Variants in ANO1 observed in about 807,000 individuals in gnomAD.
ANO1 encodes the protein anoctamin-1.
ANO1 carries 59 observed loss-of-function variants against 124.0 expected under a neutral mutation model. The ratio of observed to expected loss-of-function variants is 0.48; its 90% CI spans 0.39 to 0.59. The LOEUF is 0.59. Ranked by LOEUF, ANO1 falls within the 20% of genes least tolerant of loss-of-function variation. ANO1 has a pLI of 0.00. For missense variants in ANO1, 1,059 were observed against 1,328.0 expected (o/e 0.80, Z 3.15); for synonymous variants, 529 against 532.0 (o/e 0.99, Z 0.08).
intron 1 of ANO1, among the ~76,000 whole-genome samples, chr11:69,994,482 A>C (rs1554998069): frequency 6.6e-6 from 1 of 152,092 alleles, no homozygotes; most frequent in African/African-American, 2.4e-5. Flanking sequence ...AGATAAAAGG[A>C]GGGAGGAAGA....
intron 3 of ANO1, 126 bp from the exon 4 acceptor site, chr11:70,103,873 G>C: frequency 9.5e-7 from 1 of 1,048,358 alleles, no homozygotes; most frequent in Non-Finnish European, 1.4e-6. Context: ...GGCCCACCCA[G>C]GTGCTCTGCT....
At chr11:70,095,418 G>GA (rs769406885) in intron 2 of ANO1, among the ~76,000 whole-genome samples, 21,778 of 63,278 alleles carry the variant, frequency 0.34, 4,088 homozygotes, top group Admixed American at 0.42. Context: ...AAGAAAGAAA[G>GA]AAAGAAAGAA....
chr11:70,092,782 C>T (rs148789857), intron 2 of ANO1, among the ~76,000 whole-genome samples: 16 of 152,274 alleles, frequency 1.1e-4, no homozygotes, highest in African/African-American at 3.4e-4. Context: ...ACCCCAGGGC[C>T]GGCTCCAGAG....
At chr11:70,038,630 G>T (rs572416190) in intron 1 of ANO1, among the ~76,000 whole-genome samples, 1 of 152,088 alleles carries the variant, frequency 6.6e-6, no homozygotes, top group African/African-American at 2.4e-5. Flanking sequence ...CTCTCTTGTG[G>T]GGAGGTGCCC....
At chr11:70,116,383 T>C (rs1284121422) in intron 7 of ANO1, 75 bp from the exon 8 acceptor site, 8 of 1,397,874 alleles carry the variant, frequency 5.7e-6, no homozygotes, top group African/African-American at 1.4e-5. Context: ...GTTTATGTTT[T>C]GAAACATAAT....
At chr11:70,102,891 G>A (rs1237794088) in intron 2 of ANO1, among the ~76,000 whole-genome samples, 175 bp from the exon 3 acceptor site, 1 of 152,194 alleles carries the variant, frequency 6.6e-6, no homozygotes, top group African/African-American at 2.4e-5. Flanking sequence ...CCCACCTTCT[G>A]CTAAAGGGAA....
chr11:70,086,771 C>T (rs576619649), intron 1 of ANO1, among the ~76,000 whole-genome samples: 4 of 152,222 alleles, frequency 2.6e-5, no homozygotes, highest in African/African-American at 7.2e-5. Context: ...CTGCACATAG[C>T]GGTGGCCGCT....
chr11:70,095,686 G>A (rs1445404531), intron 2 of ANO1, among the ~76,000 whole-genome samples: 1 of 152,158 alleles, frequency 6.6e-6, no homozygotes, highest in Non-Finnish European at 1.5e-5. Flanking sequence ...GCCACGGTGG[G>A]GTATTTACAC....
chr11:70,141,952 G>A (rs1179245465), intron 11 of ANO1, among the ~76,000 whole-genome samples: 1 of 152,092 alleles, frequency 6.6e-6, no homozygotes, highest in African/African-American at 2.4e-5. Context: ...TATTCACGGT[G>A]GATGAATCAC....
chr11:70,187,760 A>G lies in ANO1; in HGVS notation c.2717A>G (p.Asp906Gly). Residue 906 changes from aspartate to glycine, a missense_variant, in exon 26 of 26, where the codon GAC becomes GGC. Asp to Gly is a moderately conservative substitution (Grantham distance 94, BLOSUM62 -1). This residue lies in a region of ANO1 where 809 missense variants were observed against 1,094.9 expected (regional missense o/e 0.74). Transcript: ENST00000355303. ...VFQNLVMFMSDFVDWVIPDIP... is the reference protein window; with the variant it reads ...VFQNLVMFMSGFVDWVIPDIP... ...CAGAACCTGGTCATGTTCATGAGCG[A>G]CTTTGTGGACTGGGTCATCCCGGAC... 6.2e-7 allele frequency: 1 copy of G among 1,609,296 alleles called. No individual in the cohort carries two copies. Among genetic ancestry groups the G allele is most frequent in the Non-Finnish European group, 8.5e-7 (1 of 1,178,074 alleles).
upstream of ANO1, among the ~76,000 whole-genome samples, chr11:69,981,084 T>C (rs1354929531): frequency 2.6e-5 from 4 of 151,838 alleles, no homozygotes; most frequent in Non-Finnish European, 4.4e-5. Context: ...AAATAAAGAG[T>C]GACCTAGTGA....
intron 6 of ANO1, 57 bp downstream of exon 6, chr11:70,108,461 T>C (rs1011698550): frequency 1.9e-6 from 3 of 1,570,544 alleles, no homozygotes; most frequent in East Asian, 2.3e-5. Context: ...GAATCTCACC[T>C]CCGAGTCATC....
chr11:70,105,028 C>G lies in ANO1; in HGVS notation c.693-706C>G, dbSNP rs2045452684. Reference sequence around the variant, plus strand: ...CAAGCCCAGCCCTCTCCTCCAGATCCAGAACAGGGGCTTGGGGCATTAGAG... The same window carrying G: ...CAAGCCCAGCCCTCTCCTCCAGATCGAGAACAGGGGCTTGGGGCATTAGAG... On this transcript the variant is annotated intron_variant, in intron 4 of 25. Transcript: ENST00000355303. Among the ~76,000 whole-genome samples, 3 of 152,104 alleles carry G rather than the reference C, an allele frequency of 2.0e-5. No individual in the cohort carries two copies. In the South Asian group the frequency reaches 6.2e-4, roughly 32 times the overall value.
intron 24 of ANO1, among the ~76,000 whole-genome samples, chr11:70,183,644 G>A (rs768016023): frequency 3.3e-5 from 5 of 152,344 alleles, no homozygotes; most frequent in African/African-American, 9.6e-5. Flanking sequence ...GGGAGGACAG[G>A]GCTGCTTGTT....
At chr11:70,073,511 C>G (rs1555009617), upstream of ANO1, among the ~76,000 whole-genome samples, 1 of 152,112 alleles carries the variant, frequency 6.6e-6, no homozygotes, top group Non-Finnish European at 1.5e-5. Context: ...AAATGGGGAA[C>G]ATCTATAGTG....
intron 19 of ANO1, 128 bp downstream of exon 19, chr11:70,163,468 T>C: frequency 8.3e-7 from 1 of 1,202,552 alleles, no homozygotes; most frequent in Non-Finnish European, 1.2e-6. Context: ...CTTTCCTTCT[T>C]GCTGGAAACT....
At chr11:70,169,770 A>G (rs377636446) in intron 21 of ANO1, among the ~76,000 whole-genome samples, 1 of 152,048 alleles carries the variant, frequency 6.6e-6, no homozygotes, top group Admixed American at 6.5e-5. Flanking sequence ...ACCTGCTAAC[A>G]GTGCTCACAC....
chr11:69,982,699 A>G (rs7940166), upstream of ANO1, among the ~76,000 whole-genome samples: 115,793 of 152,054 alleles, frequency 0.76, 44,919 homozygotes, highest in East Asian at 0.99. Context: ...TGCAGAGGCC[A>G]TAGGCCCGGC....
chr11:70,161,795 C>A (rs2048054071), intron 18 of ANO1, 62 bp downstream of exon 18: 1 of 1,530,700 alleles, frequency 6.5e-7, no homozygotes, highest in Non-Finnish European at 9.0e-7. Context: ...AGGGCTCTCC[C>A]TCCCCACAGG....
Sources: gnomAD v4.1 joint callset for allele counts (sites outside exome capture counted in the v4.1 genomes callset) on GRCh38, gnomAD v4.1.1 for gene constraint, gnomAD v4.1.1 regional missense constraint, MANE v1.5 for transcripts, NCBI Gene and HGNC (gene_info 2026-07-23, HGNC 2026-07-21) for gene names.